Variants in HMCES observed in about 807,000 individuals in gnomAD.
HMCES encodes 5-hydroxymethylcytosine binding, ES cell specific.
Under a neutral mutation model 35.1 loss-of-function variants are expected in HMCES, and 27 were observed. The observed-to-expected ratio is 0.77, with a 90% CI of 0.57 to 1.06. HMCES has a LOEUF of 1.06. HMCES is among the 50% of genes least tolerant of loss of function. HMCES has a pLI of 0.00. For missense variants in HMCES, 391 were observed against 430.4 expected, an observed-to-expected ratio of 0.91 and a Z score of 0.81; for synonymous variants, 130 against 154.7, an observed-to-expected ratio of 0.84 and a Z score of 1.18.
intron 5 of HMCES, among the ~76,000 whole-genome samples, chr3:129,300,705 G>T (rs2071151896): frequency 6.6e-6 from 1 of 151,702 alleles, no homozygotes; most frequent in South Asian, 2.1e-4. Context: ...GACCATCCTG[G>T]CGAACACTGT....
chr3:129,290,614 G>A, intron 3 of HMCES, 65 bp from the exon 4 acceptor site: 4 of 1,544,350 alleles, frequency 2.6e-6, no homozygotes, highest in Middle Eastern at 1.7e-4. Flanking sequence ...AGTTCTCCAA[G>A]TAATGGCAGC....
chr3:129,301,859 A>C, intron 5 of HMCES, 91 bp from the exon 6 acceptor site: 1 of 1,023,970 alleles, frequency 9.8e-7, no homozygotes, highest in East Asian at 2.4e-5. Context: ...CCCTTGTGAT[A>C]TTTGAGGTAT....
chr3:129,288,338 G>A (rs1046903209), intron 2 of HMCES, among the ~76,000 whole-genome samples: 3 of 152,080 alleles, frequency 2.0e-5, no homozygotes, highest in African/African-American at 7.2e-5. Context: ...CAAGCAGAAT[G>A]TCTTACATTC....
chr3:129,293,491 T>C (rs1441426376), intron 4 of HMCES, among the ~76,000 whole-genome samples: 1 of 151,882 alleles, frequency 6.6e-6, no homozygotes, highest in Non-Finnish European at 1.5e-5. Context: ...ATAGCAAATA[T>C]TAAGCACTTA....
intron 4 of HMCES, among the ~76,000 whole-genome samples, chr3:129,291,534 C>A (rs1157616876): frequency 6.6e-6 from 1 of 152,178 alleles, no homozygotes; most frequent in African/African-American, 2.4e-5. Context: ...TTTCAAGATT[C>A]ATCCATGTTT....
intron 4 of HMCES, 143 bp downstream of exon 4, chr3:129,290,947 G>A (rs2071007283): frequency 4.1e-6 from 3 of 735,696 alleles, no homozygotes; most frequent in Non-Finnish European, 6.2e-6. Context: ...TCACGCCTGT[G>A]ATCCCAGCAC....
intron 4 of HMCES, 127 bp downstream of exon 4, chr3:129,290,931 G>A (rs148335738): frequency 2.7e-4 from 240 of 895,286 alleles, no homozygotes; most frequent in African/African-American, 3.5e-4. Flanking sequence ...GGCCCAGTGC[G>A]GTGGCTCACG....
intron 4 of HMCES, 84 bp from the exon 5 acceptor site, chr3:129,298,270 C>G: frequency 5.0e-6 from 6 of 1,198,626 alleles, no homozygotes; most frequent in Non-Finnish European, 7.3e-6. Context: ...GATTTCCGTG[C>G]TCTCGAGTCT....
chr3:129,298,253 T>A (rs1030320002), intron 4 of HMCES, 101 bp from the exon 5 acceptor site: 3 of 1,109,274 alleles, frequency 2.7e-6, no homozygotes, highest in African/African-American at 3.1e-5. Context: ...TGAATTACTT[T>A]TAAAATGATT....
At chr3:129,294,887 G>T (rs1431516497) in intron 4 of HMCES, among the ~76,000 whole-genome samples, 1 of 152,154 alleles carries the variant, frequency 6.6e-6, no homozygotes, top group African/African-American at 2.4e-5. Flanking sequence ...GCCGGGCACA[G>T]TGGCTCATGC....
intron 5 of HMCES, among the ~76,000 whole-genome samples, chr3:129,301,162 A>C (rs2071162103): frequency 2.8e-5 from 4 of 144,288 alleles, no homozygotes; most frequent in Admixed American, 1.4e-4. Flanking sequence ...ACTGCACTCC[A>C]GCCTGGGCAA....
chr3:129,300,730 A>C (rs548392090), intron 5 of HMCES, among the ~76,000 whole-genome samples: 1 of 151,078 alleles, frequency 6.6e-6, no homozygotes, highest in South Asian at 2.1e-4. Flanking sequence ...CCCCATCTCT[A>C]CTAAAAATAC....
At chr3:129,291,124 C>A (rs547708732) in intron 4 of HMCES, among the ~76,000 whole-genome samples, 59 of 152,170 alleles carry the variant, frequency 3.9e-4, no homozygotes, top group African/African-American at 1.3e-3. Flanking sequence ...ATCACTTGAA[C>A]CCACGAGATA....
At chr3:129,281,908 C>CA (rs1940501137) in intron 2 of HMCES, among the ~76,000 whole-genome samples, 1 of 110,838 alleles carries the variant, frequency 9.0e-6, no homozygotes, top group Admixed American at 1.2e-4. Flanking sequence ...GCCTGGGTGA[C>CA]AGAGCAAGAC....
At chr3:129,293,554 A>G (rs2071049965) in intron 4 of HMCES, among the ~76,000 whole-genome samples, 2 of 145,880 alleles carry the variant, frequency 1.4e-5, no homozygotes, top group African/African-American at 2.6e-5. Flanking sequence ...CTTAATATAC[A>G]TTAATTCTTT....
intron 5 of HMCES, among the ~76,000 whole-genome samples, chr3:129,299,293 A>G (rs897484844): frequency 1.3e-5 from 2 of 152,212 alleles, no homozygotes; most frequent in East Asian, 3.8e-4. Flanking sequence ...AAGGTTATGT[A>G]AAATTTTTTA....
In HMCES at chr3:129,287,918, G is replaced by A. The variant is rs7624715; in HGVS notation, c.184-936G>A. On this transcript the variant is annotated intron_variant, in intron 2 of 6. Transcript: ENST00000383463. Reference sequence around the variant, plus strand: ...AGTAAAAATACAAAAATTAGCTGGCGTGGTGGTGGAAGCCTGTAGTCCCGG... The same window carrying A: ...AGTAAAAATACAAAAATTAGCTGGCATGGTGGTGGAAGCCTGTAGTCCCGG... 6.0e-3 allele frequency among the ~76,000 whole-genome samples: 909 copies of A among 152,186 alleles called. 4 individuals are homozygous for A. The highest frequency in any genetic ancestry group is 0.014 in the African/African-American group (579 of 41,524).
intron 3 of HMCES, among the ~76,000 whole-genome samples, chr3:129,290,190 CAAA>C (rs747358663): frequency 8.2e-5 from 5 of 60,988 alleles, no homozygotes; most frequent in East Asian, 4.7e-4. Flanking sequence ...GACTCCGTCT[CAAA>C]AAAAAAAAAA....
intron 5 of HMCES, among the ~76,000 whole-genome samples, chr3:129,300,947 C>T (rs552750986): frequency 8.1e-4 from 123 of 151,782 alleles, no homozygotes; most frequent in Non-Finnish European, 1.5e-3. Context: ...AGGAGAATGG[C>T]GTGAACCCGG....
Sources: gnomAD v4.1 joint callset for allele counts (sites outside exome capture counted in the v4.1 genomes callset) on GRCh38, gnomAD v4.1.1 for gene constraint, MANE v1.5 for transcripts, NCBI Gene and HGNC (gene_info 2026-07-23, HGNC 2026-07-21) for gene names.